The following GPR55 variants were observed in gnomAD, a reference collection of about 807,000 sequenced individuals.
The protein encoded by GPR55 is G-protein coupled receptor 55.
A neutral mutation model predicts 7.9 loss-of-function variants in GPR55; 6 were observed. That is an observed-to-expected ratio of 0.76 (90% confidence interval 0.41 to 1.49). The LOEUF (loss-of-function observed/expected upper bound fraction) is 1.49. Ranked by LOEUF, GPR55 falls within the 40% of genes most tolerant of loss-of-function variation. The pLI, the probability that GPR55 is intolerant of heterozygous loss-of-function variation, is 0.01. For synonymous variants in GPR55, 183 were observed against 166.8 expected (o/e 1.10, Z -0.75); for missense variants, 376 against 406.0 (o/e 0.93, Z 0.63).
intron 1 of GPR55, among the ~76,000 whole-genome samples, chr2:230,959,997 A>G (rs1348034244): frequency 6.6e-6 from 1 of 152,214 alleles, no homozygotes; most frequent in East Asian, 1.9e-4. Flanking sequence ...GCCCGTCCCT[A>G]TCAGAGCCTG....
intron 1 of GPR55, among the ~76,000 whole-genome samples, chr2:230,911,819 T>C (rs1690599489): frequency 6.6e-6 from 1 of 152,020 alleles, no homozygotes. Context: ...GGCAGAAAAT[T>C]AGAAGTGGCC....
intron 1 of GPR55, among the ~76,000 whole-genome samples, chr2:230,959,178 G>A (rs1162459740): frequency 1.3e-5 from 2 of 152,214 alleles, no homozygotes; most frequent in African/African-American, 4.8e-5. Flanking sequence ...CAGGCACCTA[G>A]CTCACGCCTG....
chr2:230,910,516 C>T lies in GPR55; in HGVS notation c.447G>A (p.Val149=), dbSNP rs777494370. ...FGICCTIWVL[V]WTGSIPIYSF... ...TGTAGATAGGGATGCTTCCGGTCCA[C>T]ACCAGGACCCAGATGGTGCAGCAGA... Residue 149 remains valine, a synonymous_variant, in exon 2 of 2, where the codon GTG becomes GTA. Transcript: ENST00000650999. The surrounding 1 kb of genome is among the most constrained non-coding windows in gnomAD (Gnocchi z 5.4). The T allele has an allele frequency of 1.4e-5, 22 of 1,614,064 alleles. No individual in the cohort carries two copies. Among genetic ancestry groups the T allele is most frequent in the Non-Finnish European group, 1.8e-5 (21 of 1,180,016 alleles).
intron 1 of GPR55, among the ~76,000 whole-genome samples, chr2:230,912,741 TA>T (rs1690622954): frequency 6.6e-6 from 1 of 152,258 alleles, no homozygotes; most frequent in Admixed American, 6.5e-5. Flanking sequence ...CACCTGTTCC[TA>T]AAACTTCTGT....
intron 1 of GPR55, among the ~76,000 whole-genome samples, chr2:230,950,781 T>G (rs973369202): frequency 1.3e-5 from 2 of 152,046 alleles, no homozygotes; most frequent in African/African-American, 2.4e-5. Flanking sequence ...CAGCTCTCCT[T>G]TCACCTGCCG....
Position 230,910,181 on chromosome 2 carries a change from C to T in GPR55, c.782G>A (p.Arg261Lys). 3 of 1,614,164 alleles carry T rather than the reference C, an allele frequency of 1.9e-6. No homozygotes were observed. The highest frequency in any genetic ancestry group is 1.7e-6 in the Non-Finnish European group (2 of 1,179,982). The change falls in exon 2 of 2, where the codon AGA becomes AAA. Residue 261 changes from arginine to lysine, a missense_variant. Transcript: ENST00000650999. This position sits in a 1 kb window ranked among gnomAD's most constrained non-coding sequence, Gnocchi z 5.4. ...LVRNSFIVEC[R>K]AKQSISFFLQ... ...GAAGAAGCTGATGCTCTGCTTGGCT[C>T]TGCACTCTACGATAAAGCTGTTTCT...
intron 1 of GPR55, among the ~76,000 whole-genome samples, chr2:230,938,308 A>G (rs1014480566): frequency 6.6e-6 from 1 of 151,408 alleles, no homozygotes; most frequent in Non-Finnish European, 1.5e-5. Flanking sequence ...TATGGAATCA[A>G]TTTCCTTTAA....
At chr2:230,914,002 G>A (rs1051285077) in intron 1 of GPR55, among the ~76,000 whole-genome samples, 1 of 152,156 alleles carries the variant, frequency 6.6e-6, no homozygotes, top group African/African-American at 2.4e-5. Flanking sequence ...TAAGAAAAAG[G>A]AGCCACCAAT....
intron 1 of GPR55, among the ~76,000 whole-genome samples, chr2:230,916,067 A>G (rs1489418332): frequency 7.1e-6 from 1 of 141,228 alleles, no homozygotes; most frequent in Non-Finnish European, 1.5e-5. Context: ...AAATCAAAAG[A>G]AAAAAAAAAA....
chr2:230,908,358 G>C lies in GPR55; in HGVS notation c.*1645C>G, dbSNP rs962361711. The stretch of plus-strand genomic sequence containing the variant: ...CCACTTGAACACAGCAACAGCGGGA[G>C]CTGCTCCTGAGAAGGCGACTCCTGT... On this transcript the variant is annotated 3_prime_UTR_variant, in exon 2 of 2. Transcript: ENST00000650999. 1.3e-5 allele frequency: 2 copies of C among 152,328 alleles called. No homozygotes were observed. Among genetic ancestry groups the C allele is most frequent in the African/African-American group, 4.8e-5 (2 of 41,412 alleles). 9.4% of individuals were successfully genotyped at this position (152,328 alleles called of 1,614,324 possible).
chr2:230,942,505 C>T lies in GPR55; in HGVS notation c.-135+18270G>A, dbSNP rs116497239. Reference sequence around the variant, plus strand: ...GCCAATGGAGGGCAGGTGGAAGAGGCAGGTGTGGGGGGAGAGCGGCAGGGG... The same window carrying T: ...GCCAATGGAGGGCAGGTGGAAGAGGTAGGTGTGGGGGGAGAGCGGCAGGGG... On this transcript the variant is annotated intron_variant, in intron 1 of 1. Coordinates refer to the GPR55 transcript ENST00000392039. Among the ~76,000 whole-genome samples the T allele has an allele frequency of 8.9e-3, 1,359 of 152,326 alleles. 26 individuals are homozygous for T. Among genetic ancestry groups the T allele is most frequent in the African/African-American group, 0.03 (1,237 of 41,562 alleles).
intron 1 of GPR55, among the ~76,000 whole-genome samples, chr2:230,915,295 G>A (rs867200938): frequency 9.2e-5 from 14 of 152,210 alleles, no homozygotes; most frequent in African/African-American, 3.4e-4. Flanking sequence ...TGCCATTGAT[G>A]TTGGGATCTG....
intron 1 of GPR55, among the ~76,000 whole-genome samples, chr2:230,939,210 C>T (rs1323080457): frequency 1.3e-5 from 2 of 152,064 alleles, no homozygotes; most frequent in African/African-American, 4.8e-5. Context: ...TCTGGGGGGG[C>T]AGGGCTCTTT....
chr2:230,910,193 A>G lies in GPR55; in HGVS notation c.770T>C (p.Ile257Thr). The G allele has an allele frequency of 2.5e-6, 4 of 1,614,178 alleles. No individual in the cohort carries two copies. Among genetic ancestry groups the G allele is most frequent in the Non-Finnish European group, 2.5e-6 (3 of 1,179,986 alleles). Residue 257 changes from isoleucine (I) to threonine (T), a missense_variant, in exon 2 of 2, where the codon ATC becomes ACC. Ile to Thr is a moderately conservative substitution (Grantham distance 89, BLOSUM62 -1). Coordinates refer to ENST00000650999, the MANE Select transcript of GPR55 (RefSeq NM_005683.4). This position sits in a 1 kb window ranked among gnomAD's most constrained non-coding sequence, Gnocchi z 5.4. ...GCTCTGCTTGGCTCTGCACTCTACG[A>G]TAAAGCTGTTTCTCACCAGGAACTG... ...FLQFLVRNSF[I>T]VECRAKQSIS...
chr2:230,914,415 G>T (rs986480405), intron 1 of GPR55, among the ~76,000 whole-genome samples: 1 of 152,104 alleles, frequency 6.6e-6, no homozygotes, highest in Non-Finnish European at 1.5e-5. Flanking sequence ...GAAGAAATTA[G>T]GTTGAAAAAA....
At chr2:230,946,459 A>G (rs1478686710) in intron 1 of GPR55, among the ~76,000 whole-genome samples, 1 of 152,212 alleles carries the variant, frequency 6.6e-6, no homozygotes, top group East Asian at 1.9e-4. Context: ...ACATATATCA[A>G]AATTTCACAC....
intron 1 of GPR55, among the ~76,000 whole-genome samples, chr2:230,922,577 T>A (rs1417518717): frequency 6.6e-6 from 1 of 152,000 alleles, no homozygotes; most frequent in East Asian, 1.9e-4. Context: ...TTATTTTTAT[T>A]TATTTATTTA....
At chr2:230,928,258 G>C (rs1171814718), upstream of GPR55, among the ~76,000 whole-genome samples, 2 of 152,184 alleles carry the variant, frequency 1.3e-5, no homozygotes, top group Non-Finnish European at 2.9e-5. Flanking sequence ...GTTGGGATGA[G>C]GGCACCAGCA....
rs1341379363 is a variant in GPR55, at chr2:230,910,646, T to A, written c.317A>T (p.Tyr106Phe). The A allele has an allele frequency of 6.2e-7, 1 of 1,613,654 alleles. No individual in the cohort carries two copies. Among genetic ancestry groups the A allele is most frequent in the African/African-American group, 1.3e-5 (1 of 74,860 alleles). Reference protein sequence around the residue: ...LVECLYFVSMYGSVFTICFIS... With the variant: ...LVECLYFVSMFGSVFTICFIS... ...GAAGCAGATGGTGAAGACGCTTCCG[T>A]ACATGCTGACGAAGTAAAGGCACTC... The change falls in exon 2 of 2, where the codon TAC becomes TTC. Residue 106 changes from tyrosine (Y) to phenylalanine (F), a missense_variant. Transcript: ENST00000650999. This position sits in a 1 kb window ranked among gnomAD's most constrained non-coding sequence, Gnocchi z 5.4.
Sources: gnomAD v4.1 joint callset for allele counts (sites outside exome capture counted in the v4.1 genomes callset) on GRCh38, gnomAD v4.1.1 for gene constraint, Gnocchi (gnomAD v3.1) non-coding constraint, MANE v1.5 for transcripts, NCBI Gene and HGNC (gene_info 2026-07-23, HGNC 2026-07-21) for gene names.